GALNT18: variants seen among roughly 807,000 people sequenced by gnomAD.
GALNT18 encodes the protein polypeptide N-acetylgalactosaminyltransferase 18, also known as GalNAc-transferase 18.
GALNT18 carries 44 observed loss-of-function variants against 69.5 expected under a neutral mutation model. That is an observed-to-expected ratio of 0.63 (90% confidence interval 0.50 to 0.81). The LOEUF (loss-of-function observed/expected upper bound fraction) is 0.81, where lower values mean the gene tolerates loss of function less well. GALNT18 is among the 40% of genes least tolerant of loss of function. GALNT18 has a pLI of 0.00. For synonymous variants in GALNT18, 364 were observed against 318.2 expected, an observed-to-expected ratio of 1.14 and a Z score of -1.53; for missense variants, 715 against 810.0, an observed-to-expected ratio of 0.88 and a Z score of 1.42.
intron 9 of GALNT18, among the ~76,000 whole-genome samples, chr11:11,301,908 C>T (rs1319011385): frequency 1.3e-5 from 2 of 152,106 alleles, no homozygotes; most frequent in African/African-American, 2.4e-5. Flanking sequence ...GATGAGTGGG[C>T]AGTGTGCTGG....
At chr11:11,532,779 C>G (rs569235587) in intron 1 of GALNT18, among the ~76,000 whole-genome samples, 1 of 152,234 alleles carries the variant, frequency 6.6e-6, no homozygotes, top group African/African-American at 2.4e-5. Flanking sequence ...TTCTGACTGA[C>G]GCATGGTTGA....
intron 1 of GALNT18, among the ~76,000 whole-genome samples, chr11:11,525,614 C>G (rs185649370): frequency 4.6e-4 from 67 of 145,964 alleles, no homozygotes; most frequent in Middle Eastern, 3.6e-3. Flanking sequence ...AGCTGATGAT[C>G]TGGTGTTGTG....
chr11:11,341,008 C>A lies in GALNT18; in HGVS notation c.1093-4G>T. On this transcript the variant is annotated splice_polypyrimidine_tract_variant and splice_region_variant and intron_variant, in intron 6 of 10. Transcript: ENST00000227756. This position sits in a 1 kb window ranked among gnomAD's most constrained non-coding sequence, Gnocchi z 6.3. ...CACTCCCGCCACACTGCCACACCTG[C>A]AGAAGACATGGAGCCACTTGTCAGA... 6.3e-7 allele frequency: 1 copy of A among 1,591,852 alleles called. No individual in the cohort carries two copies. The highest frequency in any genetic ancestry group is 8.6e-7 in the Non-Finnish European group (1 of 1,166,022).
chr11:11,308,686 G>A (rs11021773), intron 9 of GALNT18, among the ~76,000 whole-genome samples: 13,159 of 152,104 alleles, frequency 0.087, 644 homozygotes, highest in Non-Finnish European at 0.11. Flanking sequence ...CCACCCTAGT[G>A]TAAAAAACAT....
At chr11:11,316,079 G>A (rs895330453) in intron 9 of GALNT18, among the ~76,000 whole-genome samples, 1 of 152,268 alleles carries the variant, frequency 6.6e-6, no homozygotes, top group Admixed American at 6.5e-5. Context: ...TGCAGAGCTG[G>A]AGGTGACCAG....
At chr11:11,585,965 T>A (rs893629417) in intron 1 of GALNT18, among the ~76,000 whole-genome samples, 1 of 152,126 alleles carries the variant, frequency 6.6e-6, no homozygotes, top group East Asian at 1.9e-4. Context: ...CCCTCATGGG[T>A]GGGATTTGTA....
chr11:11,486,243 C>G (rs560168974), intron 1 of GALNT18, among the ~76,000 whole-genome samples: 1 of 152,224 alleles, frequency 6.6e-6, no homozygotes, highest in Non-Finnish European at 1.5e-5. Context: ...GCCTTCTTCC[C>G]TGTATTCATT....
In GALNT18 at chr11:11,583,510, C is replaced by T. The variant is rs4486621; in HGVS notation, c.235+37849G>A. 0.2 allele frequency among the ~76,000 whole-genome samples: 30,499 copies of T among 152,028 alleles called. 3,645 individuals are homozygous for T. Among genetic ancestry groups the T allele is most frequent in the African/African-American group, 0.32 (13,320 of 41,420 alleles). ...GCTCTGTTTCTGGCTGGAAAGTGCA[C>T]GAAAGCTGAGTTTAATCAATAAATA... On this transcript the variant is annotated intron_variant, in intron 1 of 10. Transcript: ENST00000227756. The surrounding 1 kb of genome is among the most constrained non-coding windows in gnomAD (Gnocchi z 4.7).
intron 1 of GALNT18, among the ~76,000 whole-genome samples, chr11:11,502,003 A>G (rs1226753143): frequency 6.6e-6 from 1 of 152,170 alleles, no homozygotes; most frequent in Non-Finnish European, 1.5e-5. Context: ...TCTGAGGACG[A>G]GGCTCTCAGT....
intron 1 of GALNT18, among the ~76,000 whole-genome samples, chr11:11,512,688 G>A (rs1857188159): frequency 6.6e-6 from 1 of 152,156 alleles, no homozygotes; most frequent in Non-Finnish European, 1.5e-5. Flanking sequence ...AGTTTGCACA[G>A]GGACTGTGTT....
intron 1 of GALNT18, among the ~76,000 whole-genome samples, chr11:11,576,660 C>T (rs1858932713): frequency 6.6e-6 from 1 of 152,238 alleles, no homozygotes; most frequent in African/African-American, 2.4e-5. Flanking sequence ...GACCCTAGAC[C>T]CACCCAACTC....
At chr11:11,411,880 C>T (rs563207183) in intron 3 of GALNT18, among the ~76,000 whole-genome samples, 12 of 152,244 alleles carry the variant, frequency 7.9e-5, no homozygotes, top group South Asian at 2.1e-4. Flanking sequence ...TTGTCCCATC[C>T]GAGGCAAGGC....
At chr11:11,557,807 A>G (rs534314547) in intron 1 of GALNT18, among the ~76,000 whole-genome samples, 1 of 152,200 alleles carries the variant, frequency 6.6e-6, no homozygotes, top group South Asian at 2.1e-4. Flanking sequence ...GCTGGCACTC[A>G]TTACCATCTA....
intron 6 of GALNT18, among the ~76,000 whole-genome samples, chr11:11,368,339 G>A (rs894881546): frequency 6.6e-6 from 1 of 152,076 alleles, no homozygotes; most frequent in Non-Finnish European, 1.5e-5. Context: ...TAAATCTGAG[G>A]ATTGGTGTCT....
chr11:11,300,754 T>TAA (rs1328192449), intron 9 of GALNT18, among the ~76,000 whole-genome samples: 5 of 152,146 alleles, frequency 3.3e-5, no homozygotes, highest in Non-Finnish European at 5.9e-5. Flanking sequence ...GCAATCAAGC[T>TAA]AAGGCAGGGG....
At chr11:11,467,274 G>T (rs1856173850) in intron 1 of GALNT18, among the ~76,000 whole-genome samples, 1 of 152,182 alleles carries the variant, frequency 6.6e-6, no homozygotes, top group Admixed American at 6.5e-5. Context: ...TACTACATCA[G>T]GTGCTGCTGC....
chr11:11,284,380 A>G (rs191791120), intron 10 of GALNT18, among the ~76,000 whole-genome samples: 2 of 152,118 alleles, frequency 1.3e-5, no homozygotes, highest in African/African-American at 4.8e-5. Context: ...CTGATTCACT[A>G]GGTCTGAGAT....
At position 11,436,996 on chromosome 11, in the gene GALNT18, TC is replaced by T. The variant is rs1056807925; in HGVS notation, c.429-4210del. On this transcript the variant is annotated intron_variant, in intron 2 of 10. Transcript: ENST00000227756. The surrounding 1 kb of genome is among the most constrained non-coding windows in gnomAD (Gnocchi z 4.5). ...ATGCCCTCCCAGAGCACCTGGATTTTCCAGAATTGGGCCACCCACACACTCT... is the reference window on the plus strand; with the variant it reads ...ATGCCCTCCCAGAGCACCTGGATTTTCAGAATTGGGCCACCCACACACTCT... Among the ~76,000 whole-genome samples the T allele has an allele frequency of 7.6e-4, 116 of 152,276 alleles. No individual in the cohort carries two copies. The highest frequency in any genetic ancestry group is 2.6e-3 in the African/African-American group (108 of 41,558).
intron 1 of GALNT18, among the ~76,000 whole-genome samples, chr11:11,481,091 T>C (rs966772287): frequency 6.6e-6 from 1 of 152,122 alleles, no homozygotes; most frequent in African/African-American, 2.4e-5. Context: ...GAAACTCCAA[T>C]GGAATCCTGG....
Sources: gnomAD v4.1 joint callset for allele counts (sites outside exome capture counted in the v4.1 genomes callset) on GRCh38, gnomAD v4.1.1 for gene constraint, Gnocchi (gnomAD v3.1) non-coding constraint, MANE v1.5 for transcripts, NCBI Gene and HGNC (gene_info 2026-07-23, HGNC 2026-07-21) for gene names.